SNX29: variants seen among roughly 807,000 people sequenced by gnomAD.
SNX29 encodes sorting nexin-29.
A neutral mutation model predicts 102.1 loss-of-function variants in SNX29; 78 were observed. The ratio of observed to expected loss-of-function variants is 0.76; its 90% confidence interval spans 0.64 to 0.92. SNX29 has a LOEUF of 0.92. Among genes scored for constraint, SNX29 ranks in the 40% least tolerant of loss-of-function variants. The pLI is 0.00. For missense variants in SNX29, 1,280 were observed against 1,061.7 expected, an observed-to-expected ratio of 1.21 and a Z score of -2.86; for synonymous variants, 580 against 414.5, an observed-to-expected ratio of 1.40 and a Z score of -4.85.
chr16:12,464,184 A>G (rs1431467606), intron 18 of SNX29, among the ~76,000 whole-genome samples: 3 of 150,430 alleles, frequency 2.0e-5, no homozygotes, highest in African/African-American at 7.4e-5. Flanking sequence ...GTTGTCACAA[A>G]TGACAGAATT....
intron 15 of SNX29, among the ~76,000 whole-genome samples, chr16:12,304,810 T>G (rs1400219954): frequency 6.6e-6 from 1 of 152,250 alleles, no homozygotes. Flanking sequence ...GGATATGAAC[T>G]ATAAACTCTC....
intron 20 of SNX29, among the ~76,000 whole-genome samples, chr16:12,559,132 T>A (rs2078561006): frequency 6.6e-6 from 1 of 152,126 alleles, no homozygotes; most frequent in African/African-American, 2.4e-5. Flanking sequence ...TGGATCCCTC[T>A]TCTGGTCCCC....
intron 20 of SNX29, among the ~76,000 whole-genome samples, chr16:12,562,838 T>C (rs1027697935): frequency 2.0e-5 from 3 of 152,184 alleles, no homozygotes; most frequent in African/African-American, 4.8e-5. Flanking sequence ...AGCATTCCCC[T>C]ATAGGCAACC....
At chr16:12,525,963 T>G (rs2076771864) in intron 20 of SNX29, among the ~76,000 whole-genome samples, 1 of 152,196 alleles carries the variant, frequency 6.6e-6, no homozygotes, top group Non-Finnish European at 1.5e-5. Flanking sequence ...TGCTGACATT[T>G]ACATCCTTGG....
At chr16:12,561,983 C>A (rs539041357) in intron 20 of SNX29, among the ~76,000 whole-genome samples, 2 of 152,122 alleles carry the variant, frequency 1.3e-5, no homozygotes, top group Non-Finnish European at 2.9e-5. Flanking sequence ...TGTCTACCAG[C>A]TTGGTGACAA....
intron 19 of SNX29, among the ~76,000 whole-genome samples, chr16:12,499,289 C>T (rs1175905916): frequency 6.6e-6 from 1 of 152,222 alleles, no homozygotes; most frequent in Non-Finnish European, 1.5e-5. Flanking sequence ...GCCCCCAATG[C>T]ACTGATTTTG....
rs112354273 is a variant in SNX29, at chr16:12,146,262, A to ATT, written c.1595+16517_1595+16518dup. 5.3e-3 allele frequency among the ~76,000 whole-genome samples: 761 copies of ATT among 143,948 alleles called. 5 individuals carry two copies. Among genetic ancestry groups the ATT allele is most frequent in the African/African-American group, 0.018 (721 of 39,268 alleles). The allele number at this position is 143,948 out of a possible 152,430, so 94.4% of individuals were successfully genotyped here. On this transcript the variant is annotated intron_variant, in intron 13 of 20. Transcript: ENST00000566228. ...GTGGGATCTCAGGGCAAAGTATATG[A>ATT]TTTTTTTTTTTTTTCTTTTTGAAGG...
chr16:12,566,810 T>G (rs1387496428), intron 20 of SNX29, among the ~76,000 whole-genome samples: 1 of 152,240 alleles, frequency 6.6e-6, no homozygotes, highest in Non-Finnish European at 1.5e-5. Context: ...CAGAGATGAT[T>G]CAGAGCAGCT....
At chr16:12,554,325 C>T (rs555197704) in intron 20 of SNX29, among the ~76,000 whole-genome samples, 5 of 152,124 alleles carry the variant, frequency 3.3e-5, no homozygotes, top group Non-Finnish European at 7.4e-5. Context: ...TAAAATGGGA[C>T]CAGATGTCTT....
chr16:12,355,843 T>TAAAAAAAAA (rs56358290), intron 15 of SNX29, among the ~76,000 whole-genome samples: 7 of 85,566 alleles, frequency 8.2e-5, no homozygotes, highest in Non-Finnish European at 1.2e-4. Flanking sequence ...GAGATCTTAT[T>TAAAAAAAAA]AAAAAAAAAA....
chr16:12,482,551 C>T (rs541330350), intron 19 of SNX29, among the ~76,000 whole-genome samples: 1 of 152,318 alleles, frequency 6.6e-6, no homozygotes, highest in East Asian at 1.9e-4. Context: ...CTACTCCCAC[C>T]TCAGCCACCC....
At chr16:12,151,505 A>G (rs945215950) in intron 13 of SNX29, among the ~76,000 whole-genome samples, 5 of 152,128 alleles carry the variant, frequency 3.3e-5, no homozygotes, top group Non-Finnish European at 5.9e-5. Context: ...CCTGGCCTGC[A>G]TGTTCTGCGT....
intron 16 of SNX29, among the ~76,000 whole-genome samples, chr16:12,390,178 G>A (rs7186768): frequency 2.7e-5 from 4 of 149,442 alleles, no homozygotes; most frequent in African/African-American, 1.0e-4. Context: ...GTGTGTGTGT[G>A]TGTATGTATA....
chr16:12,300,037 AT>A (rs1166409664), intron 15 of SNX29, among the ~76,000 whole-genome samples: 1 of 151,896 alleles, frequency 6.6e-6, no homozygotes, highest in Non-Finnish European at 1.5e-5. Context: ...CGCCTGGCTA[AT>A]TTTTTGTATT....
intron 19 of SNX29, among the ~76,000 whole-genome samples, chr16:12,516,872 G>A (rs934396873): frequency 2.6e-5 from 4 of 152,266 alleles, no homozygotes; most frequent in Admixed American, 1.3e-4. Context: ...AGGGGGCGGG[G>A]CCTGAGCATT....
At position 12,571,493 on chromosome 16, in the gene SNX29, G is replaced by T. The variant is rs926864251; in HGVS notation, c.*2864G>T. On this transcript the variant is annotated 3_prime_UTR_variant, in exon 21 of 21. Transcript: ENST00000566228. ...CCTCCCCTACTCAGAGAGGAACGAG[G>T]GTGGCCCACCTCTCAAGGGCCTTGG... 2 of 354,514 alleles carry T rather than the reference G, an allele frequency of 5.6e-6. No homozygotes were observed. Among genetic ancestry groups the T allele is most frequent in the Non-Finnish European group, 8.7e-6 (2 of 229,530 alleles). 22.0% of individuals were successfully genotyped at this position (354,514 alleles called of 1,614,324 possible).
intron 13 of SNX29, among the ~76,000 whole-genome samples, chr16:12,137,945 C>T (rs899387532): frequency 3.3e-5 from 5 of 152,190 alleles, no homozygotes; most frequent in Admixed American, 1.3e-4. Context: ...TAGGCTTCAT[C>T]CTGCTGCCAA....
At position 12,371,854 on chromosome 16, in the gene SNX29, C is replaced by T. The variant is rs751525971; in HGVS notation, c.1899+15575C>T. ...CTCTCGCCTTCGCCCTATGTCTTTT[C>T]GTCTGCTCTTTCTCCACCGAGTCCT... On this transcript the variant is annotated intron_variant, in intron 16 of 20. Transcript: ENST00000566228. Among the ~76,000 whole-genome samples the T allele has an allele frequency of 4.6e-5, 7 of 152,176 alleles. 1 individual carries two copies. Among genetic ancestry groups the T allele is most frequent in the Admixed American group, 2.0e-4 (3 of 15,274 alleles).
chr16:12,406,832 C>A (rs1597266273), intron 18 of SNX29, among the ~76,000 whole-genome samples: 1 of 152,160 alleles, frequency 6.6e-6, no homozygotes, highest in Middle Eastern at 3.2e-3. Flanking sequence ...TCGCTTGAAC[C>A]TGGGAGGCAG....
Sources: allele counts gnomAD v4.1 joint callset (sites outside exome capture counted in the v4.1 genomes callset), GRCh38; gene constraint gnomAD v4.1.1; transcripts MANE v1.5; gene names NCBI Gene and HGNC (gene_info 2026-07-23, HGNC 2026-07-21).